The following HVCN1 variants were observed in gnomAD, a reference collection of about 807,000 sequenced individuals.
HVCN1 encodes the protein voltage-gated hydrogen channel 1.
A neutral mutation model predicts 29.2 loss-of-function variants in HVCN1; 14 were observed. That is an observed-to-expected ratio of 0.48 (90% confidence interval 0.32 to 0.75). The LOEUF is 0.75. Among genes scored for constraint, HVCN1 ranks in the 30% least tolerant of loss-of-function variants. The pLI is 0.04. For synonymous variants in HVCN1, 131 were observed against 133.2 expected (o/e 0.98, Z 0.11); for missense variants, 263 against 341.8 (o/e 0.77, Z 1.82).
intron 4 of HVCN1, among the ~76,000 whole-genome samples, chr12:110,659,155 C>T (rs1260058850): frequency 2.0e-5 from 3 of 152,144 alleles, no homozygotes; most frequent in African/African-American, 7.2e-5. Flanking sequence ...TTCAGCTTTG[C>T]TGCTTTCAGC....
intron 2 of HVCN1, among the ~76,000 whole-genome samples, chr12:110,687,783 A>G (rs2069250429): frequency 6.6e-6 from 1 of 152,110 alleles, no homozygotes; most frequent in Admixed American, 6.5e-5. Flanking sequence ...AGCCCCAATG[A>G]CTAGCAAAGG....
chr12:110,659,175 G>C (rs1232849201), intron 4 of HVCN1, among the ~76,000 whole-genome samples: 1 of 151,676 alleles, frequency 6.6e-6, no homozygotes, highest in African/African-American at 2.4e-5. Flanking sequence ...CCACACAAGA[G>C]AGTGGGGAAA....
In HVCN1 at chr12:110,649,472, G is replaced by T. The variant is rs1458443579; in HGVS notation, c.760C>A (p.Gln254Lys). The T allele has an allele frequency of 3.1e-6, 5 of 1,600,976 alleles. No homozygotes were observed. Among genetic ancestry groups the T allele is most frequent in the Middle Eastern group, 1.6e-4 (1 of 6,072 alleles). ...HLEFSCSEKE[Q>K]EIERLNKLLR... ...AGTTTGTTAAGTCTTTCAATTTCTT[G>T]TTCCTATTGCAAAAGCAGACAAACA... The change falls in exon 8 of 8, where the codon CAA becomes AAA. Residue 254 changes from glutamine to lysine, a missense_variant. By Grantham distance (53) the Gln-to-Lys change is moderately conservative (BLOSUM62 1). This residue lies in a region of HVCN1 where 51 missense variants were observed against 51.1 expected (regional missense o/e 1.00). Transcript: ENST00000242607.
chr12:110,701,864 A>AAACAAAACAACAAG (rs1196098222), intron 2 of HVCN1, among the ~76,000 whole-genome samples: 127 of 149,688 alleles, frequency 8.5e-4, no homozygotes, highest in African/African-American at 2.9e-3. Flanking sequence ...CTCAAAAACA[A>AAACAAAACAACAAG]AACAAAACAA....
chr12:110,654,296 T>C (rs2136258799), intron 5 of HVCN1, among the ~76,000 whole-genome samples: 1 of 151,894 alleles, frequency 6.6e-6, no homozygotes, highest in South Asian at 2.1e-4. Flanking sequence ...ACAGGGAAGA[T>C]TCTCCTCCTA....
chr12:110,679,998 TCTCTCCTAA>T (rs941581259), intron 3 of HVCN1, among the ~76,000 whole-genome samples: 1 of 152,092 alleles, frequency 6.6e-6, no homozygotes, highest in African/African-American at 2.4e-5. Context: ...CCCACCAGTT[TCTCTCCTAA>T]CACAGCTGTT....
chr12:110,685,146 C>T (rs1195895706), intron 2 of HVCN1, among the ~76,000 whole-genome samples: 2 of 152,150 alleles, frequency 1.3e-5, no homozygotes, highest in East Asian at 3.8e-4. Context: ...TTGGATTATC[C>T]TAGTGGACCC....
At chr12:110,690,714 G>A (rs146312375), upstream of HVCN1, among the ~76,000 whole-genome samples, 12,118 of 152,140 alleles carry the variant, frequency 0.08, 530 homozygotes, top group Middle Eastern at 0.1. Flanking sequence ...CTGACCTCAA[G>A]TGATCTGCCT....
intron 3 of HVCN1, among the ~76,000 whole-genome samples, chr12:110,671,649 T>C (rs1156854979): frequency 2.6e-5 from 4 of 152,180 alleles, no homozygotes; most frequent in Non-Finnish European, 5.9e-5. Flanking sequence ...CCAGGTACTG[T>C]CTTTCCCTTT....
intron 5 of HVCN1, among the ~76,000 whole-genome samples, chr12:110,652,903 T>G (rs2067861235): frequency 6.6e-6 from 1 of 152,106 alleles, no homozygotes; most frequent in Non-Finnish European, 1.5e-5. Context: ...AGTGGAGCAG[T>G]CCAGCAAGTG....
intron 3 of HVCN1, among the ~76,000 whole-genome samples, chr12:110,668,813 C>T (rs761466071): frequency 1.3e-5 from 2 of 152,122 alleles, no homozygotes; most frequent in Admixed American, 1.3e-4. Flanking sequence ...AACCTGTGAC[C>T]GTGGCTCCAA....
At chr12:110,674,858 T>C (rs769891553) in intron 3 of HVCN1, among the ~76,000 whole-genome samples, 35 of 152,254 alleles carry the variant, frequency 2.3e-4, no homozygotes, top group African/African-American at 6.5e-4. Context: ...CCCTAAGAAA[T>C]TGCCATTTTT....
chr12:110,687,567 G>A lies in HVCN1; in HGVS notation c.-20+1058C>T, dbSNP rs992352987. ...CAGGGCCTGATCATGGAGAGGGCTT[G>A]GCAGGCGATGCTGGGGATTTGGATG... On this transcript the variant is annotated intron_variant, in intron 2 of 7. Coordinates refer to ENST00000242607, the MANE Select transcript of HVCN1 (RefSeq NM_032369.4). 6.6e-5 allele frequency among the ~76,000 whole-genome samples: 10 copies of A among 152,260 alleles called. No individual in the cohort carries two copies. The East Asian group carries it at 1.7e-3, about 26-fold the overall frequency.
At chr12:110,662,098 C>T (rs1018596255) in intron 3 of HVCN1, among the ~76,000 whole-genome samples, 1 of 152,124 alleles carries the variant, frequency 6.6e-6, no homozygotes, top group Non-Finnish European at 1.5e-5. Flanking sequence ...GGCTACATGA[C>T]TACTGGAACA....
intron 2 of HVCN1, chr12:110,687,839 A>G (rs1490416964): frequency 6.6e-6 from 1 of 152,500 alleles, no homozygotes; most frequent in Non-Finnish European, 1.5e-5. Flanking sequence ...CTTCTTGCTA[A>G]ACCTGTGTCG....
At chr12:110,650,027 CAG>C in intron 7 of HVCN1, 139 bp downstream of exon 7, 2 of 557,788 alleles carry the variant, frequency 3.6e-6, no homozygotes, top group Non-Finnish European at 6.6e-6. Flanking sequence ...GTATTTTTAG[CAG>C]AGACAGGGTT....
intron 5 of HVCN1, 69 bp from the exon 6 acceptor site, chr12:110,651,517 AC>A: frequency 2.1e-6 from 2 of 962,168 alleles, no homozygotes; most frequent in Non-Finnish European, 3.3e-6. Flanking sequence ...CCTCACATGC[AC>A]CTGCCTGGTC....
At chr12:110,663,532 C>T (rs949285869) in intron 3 of HVCN1, among the ~76,000 whole-genome samples, 3 of 128,986 alleles carry the variant, frequency 2.3e-5, no homozygotes, top group South Asian at 2.5e-4. Context: ...CTTGGGAGGT[C>T]GAGGCTGCAG....
chr12:110,661,194 C>T lies in HVCN1; in HGVS notation c.276G>A (p.Leu92=). ...PRAPLDFRGM[L]RKLFSSHRFQ... is the part of the protein sequence containing the mutation. Reference sequence around the variant, plus strand: ...ACCTGTGGGAGCTGAACAGTTTCCTCAACATGCCCCTGAAGTCAAGGGGGG... The same window carrying T: ...ACCTGTGGGAGCTGAACAGTTTCCTTAACATGCCCCTGAAGTCAAGGGGGG... Residue 92 remains leucine (L), a synonymous_variant, in exon 4 of 8, where the codon TTG becomes TTA. Transcript: ENST00000242607. The surrounding 1 kb of genome is among the most constrained non-coding windows in gnomAD (Gnocchi z 6.2). 6.2e-7 allele frequency: 1 copy of T among 1,612,024 alleles called. No homozygotes were observed. Among genetic ancestry groups the T allele is most frequent in the South Asian group, 1.1e-5 (1 of 90,908 alleles).
Sources: allele counts gnomAD v4.1 joint callset (sites outside exome capture counted in the v4.1 genomes callset), GRCh38; gene constraint gnomAD v4.1.1; regional missense constraint gnomAD v4.1.1; non-coding constraint Gnocchi (gnomAD v3.1); transcripts MANE v1.5; gene names NCBI Gene and HGNC (gene_info 2026-07-23, HGNC 2026-07-21).